PTPRA: variants seen among roughly 807,000 people sequenced by gnomAD.
PTPRA encodes protein tyrosine phosphatase receptor type A.
Under a neutral mutation model 104.8 loss-of-function variants are expected in PTPRA, and 25 were observed. That is an observed-to-expected ratio of 0.24 (90% CI 0.17 to 0.33). PTPRA has a LOEUF of 0.33. PTPRA is among the 10% of genes least tolerant of loss of function. The probability of loss-of-function intolerance (pLI) is 1.00; values close to 1 mark genes in which losing one functional copy is unlikely to be tolerated. For synonymous variants in PTPRA, 323 were observed against 368.9 expected, an observed-to-expected ratio of 0.88 and a Z score of 1.43; for missense variants, 765 against 1,015.3, an observed-to-expected ratio of 0.75 and a Z score of 3.35.
At position 3,007,432 on chromosome 20, in the gene PTPRA, G is replaced by A; in HGVS notation, c.906+12G>A. ...CTTCATTCATCAACGTAAGGATCGGGTGCTTTCCCTGTCACTTCCCTGCCT... is the reference window on the plus strand; with the variant it reads ...CTTCATTCATCAACGTAAGGATCGGATGCTTTCCCTGTCACTTCCCTGCCT... On this transcript the variant is annotated intron_variant, in intron 11 of 23. Coordinates refer to ENST00000399903, the MANE Select transcript of PTPRA (RefSeq NM_001385305.1). 2.5e-6 allele frequency: 4 copies of A among 1,611,550 alleles called. No individual in the cohort carries two copies. The highest frequency in any genetic ancestry group is 1.7e-4 in the Middle Eastern group (1 of 6,054).
At chr20:2,940,237 T>A (rs1234126863) in intron 2 of PTPRA, among the ~76,000 whole-genome samples, 5 of 152,242 alleles carry the variant, frequency 3.3e-5, no homozygotes. Flanking sequence ...AGTAGTTTTT[T>A]TTAACCTATG....
At chr20:2,867,418 C>T in the PTPRA span, among the ~76,000 whole-genome samples, 3 of 152,176 alleles carry the variant, frequency 2.0e-5, no homozygotes, top group Non-Finnish European at 4.4e-5. Flanking sequence ...ACCATGAACA[C>T]CAGACCCGCA....
intron 14 of PTPRA, 43 bp downstream of exon 14, chr20:3,021,471 G>C: frequency 6.2e-7 from 1 of 1,609,792 alleles, no homozygotes; most frequent in Non-Finnish European, 8.5e-7. Flanking sequence ...TGTTGGATCT[G>C]CTGACCAGTA....
At chr20:2,959,762 C>A (rs2061680551) in intron 3 of PTPRA, among the ~76,000 whole-genome samples, 1 of 151,940 alleles carries the variant, frequency 6.6e-6, no homozygotes, top group African/African-American at 2.4e-5. Flanking sequence ...ACCAGCCTGG[C>A]CAATATGATG....
intron 9 of PTPRA, 86 bp from the exon 10 acceptor site, chr20:3,004,970 C>A: frequency 8.3e-7 from 1 of 1,204,398 alleles, no homozygotes; most frequent in Admixed American, 1.9e-5. Flanking sequence ...GTAGAACATG[C>A]TACCAGGTCA....
At chr20:2,958,445 A>C (rs1295720264) in intron 3 of PTPRA, among the ~76,000 whole-genome samples, 2 of 152,058 alleles carry the variant, frequency 1.3e-5, no homozygotes, top group Non-Finnish European at 2.9e-5. Context: ...GGAGAATAGC[A>C]GGCCTGGGGG....
chr20:2,897,833 A>G (rs1469703246), intron 1 of PTPRA, among the ~76,000 whole-genome samples: 3 of 151,562 alleles, frequency 2.0e-5, no homozygotes, highest in Non-Finnish European at 2.9e-5. Context: ...TTGATATTCA[A>G]ATTGTCCCAA....
chr20:3,014,816 G>T (rs2064354721), intron 11 of PTPRA, among the ~76,000 whole-genome samples: 1 of 152,200 alleles, frequency 6.6e-6, no homozygotes. Context: ...GGAAATGGGT[G>T]ATTCACAATC....
chr20:2,866,863 C>A, the PTPRA span: 3 of 395,734 alleles, frequency 7.6e-6, no homozygotes, highest in African/African-American at 2.0e-5. Context: ...GCCATACTCG[C>A]AAGAAACGTG....
chr20:2,935,160 C>T (rs1177114417), intron 2 of PTPRA, among the ~76,000 whole-genome samples: 1 of 152,188 alleles, frequency 6.6e-6, no homozygotes, highest in East Asian at 1.9e-4. Flanking sequence ...CCCCTACCCA[C>T]CAACCTCTAG....
intron 1 of PTPRA, among the ~76,000 whole-genome samples, chr20:2,882,018 A>C (rs2090079616): frequency 6.6e-6 from 1 of 152,132 alleles, no homozygotes; most frequent in African/African-American, 2.4e-5. Context: ...AAGAAAAAAG[A>C]CAAAAAAACA....
chr20:2,939,376 A>C (rs541411739), intron 2 of PTPRA, among the ~76,000 whole-genome samples: 5 of 152,306 alleles, frequency 3.3e-5, no homozygotes, highest in African/African-American at 1.2e-4. Context: ...CATTCTCTGC[A>C]GCTGTAACAT....
rs1181894484 is a variant in PTPRA, at chr20:2,890,097, T to C, written c.-129+16337T>C. Among the ~76,000 whole-genome samples, 4 of 149,786 alleles carry C rather than the reference T, an allele frequency of 2.7e-5. No homozygotes were observed. In the East Asian group the frequency reaches 7.8e-4, roughly 29 times the overall value. ...TTTTTTTGTAGAGATGAGGCCTCAC[T>C]ATGAGCCTAGGATGATCTCAAATTC... On this transcript the variant is annotated intron_variant, in intron 1 of 23. Transcript: ENST00000399903.
At chr20:2,914,195 G>A (rs966825477) in intron 1 of PTPRA, among the ~76,000 whole-genome samples, 3 of 151,822 alleles carry the variant, frequency 2.0e-5, no homozygotes, top group African/African-American at 7.3e-5. Flanking sequence ...CCTCTTTCTG[G>A]GACCAGATAT....
At chr20:2,972,271 T>C (rs2062222033) in intron 5 of PTPRA, among the ~76,000 whole-genome samples, 1 of 152,248 alleles carries the variant, frequency 6.6e-6, no homozygotes, top group African/African-American at 2.4e-5. Context: ...AGTGGCACGA[T>C]CATGGCTCAC....
At position 3,024,331 on chromosome 20, in the gene PTPRA, G is replaced by A. The variant is rs1489922106; in HGVS notation, c.1465-141G>A. The A allele has an allele frequency of 3.4e-6, 3 of 885,450 alleles. No individual in the cohort carries two copies. The African/African-American group carries it at 5.0e-5, about 15-fold the overall frequency. The allele number at this position is 885,450 out of a possible 1,614,324, so 54.8% of individuals were successfully genotyped here. ...ATTTCAAGTCCCACTTCACTAAATTGGGATAATAAGAGGGAGTCCTTTTAT... is the reference window on the plus strand; with the variant it reads ...ATTTCAAGTCCCACTTCACTAAATTAGGATAATAAGAGGGAGTCCTTTTAT... On this transcript the variant is annotated intron_variant, in intron 16 of 23. Transcript: ENST00000399903.
intron 5 of PTPRA, among the ~76,000 whole-genome samples, chr20:2,965,920 A>G (rs1424020648): frequency 2.0e-5 from 3 of 152,086 alleles, no homozygotes; most frequent in Non-Finnish European, 4.4e-5. Flanking sequence ...GATTAGAGAT[A>G]CCCTCAAAGG....
intron 5 of PTPRA, among the ~76,000 whole-genome samples, chr20:2,966,270 C>T (rs2061942224): frequency 6.6e-6 from 1 of 152,200 alleles, no homozygotes; most frequent in Non-Finnish European, 1.5e-5. Flanking sequence ...CTTCCATAAA[C>T]CAGCCATGTT....
At chr20:2,914,203 T>TA (rs1298681382) in intron 1 of PTPRA, among the ~76,000 whole-genome samples, 2 of 152,198 alleles carry the variant, frequency 1.3e-5, no homozygotes, top group Admixed American at 6.5e-5. Flanking sequence ...TGGGACCAGA[T>TA]ATGATCAAAG....
Sources: gnomAD v4.1 joint callset for allele counts (sites outside exome capture counted in the v4.1 genomes callset) on GRCh38, gnomAD v4.1.1 for gene constraint, MANE v1.5 for transcripts, NCBI Gene and HGNC (gene_info 2026-07-23, HGNC 2026-07-21) for gene names.